Variants in ZC3H18 observed in about 807,000 individuals in gnomAD.
The protein encoded by ZC3H18 is zinc finger CCCH domain-containing protein 18.
ZC3H18 carries 8 observed loss-of-function variants against 106.1 expected under a neutral mutation model. That is an observed-to-expected ratio of 0.08 (90% CI 0.04 to 0.14). ZC3H18 has a LOEUF of 0.14. ZC3H18 is among the 10% of genes least tolerant of loss of function. The pLI, the probability that ZC3H18 is intolerant of heterozygous loss-of-function variation, is 1.00. For synonymous variants in ZC3H18, 635 were observed against 522.1 expected, an observed-to-expected ratio of 1.22 and a Z score of -2.95; for missense variants, 1,318 against 1,278.4, an observed-to-expected ratio of 1.03 and a Z score of -0.47.
intron 15 of ZC3H18, among the ~76,000 whole-genome samples, chr16:88,628,393 C>T (rs1409760097): frequency 6.6e-6 from 1 of 152,170 alleles, no homozygotes. Context: ...GCCATGCAGT[C>T]TCAACACAAT....
chr16:88,590,556 C>CTT (rs1915684721), intron 3 of ZC3H18, among the ~76,000 whole-genome samples: 3 of 43,266 alleles, frequency 6.9e-5, no homozygotes, highest in African/African-American at 2.3e-4. Flanking sequence ...CTTTGGGTTT[C>CTT]TTTATTTCTT....
chr16:88,624,484 A>G, intron 11 of ZC3H18, 118 bp from the exon 12 acceptor site: 1 of 1,482,698 alleles, frequency 6.7e-7, no homozygotes, highest in Non-Finnish European at 9.2e-7. Flanking sequence ...GAGCGTGCTC[A>G]CCGAGCGTCA....
intron 6 of ZC3H18, among the ~76,000 whole-genome samples, chr16:88,600,273 C>A (rs1001954533): frequency 6.6e-6 from 1 of 152,222 alleles, no homozygotes; most frequent in Non-Finnish European, 1.5e-5. Context: ...TGGCTCCTCA[C>A]CCCTGCCCAC....
intron 3 of ZC3H18, among the ~76,000 whole-genome samples, chr16:88,593,658 A>G (rs1223455035): frequency 6.6e-6 from 1 of 151,990 alleles, no homozygotes; most frequent in East Asian, 1.9e-4. Context: ...GCTGCGGCTG[A>G]CCCTGTGCGC....
chr16:88,624,205 G>T, intron 11 of ZC3H18, 143 bp downstream of exon 11: 1 of 1,155,600 alleles, frequency 8.7e-7, no homozygotes, highest in Non-Finnish European at 1.2e-6. Flanking sequence ...GGGTGACTGG[G>T]CTGGGAGGCA....
rs147796262 is a variant in ZC3H18 at position 88,590,467 on chromosome 16, G to A, written c.688+3783G>A. ...TCTTCATGGGATGTTTTTATCTCTC[G>A]TGGGCCTGTGTTGGATCATCAGGAC... On this transcript the variant is annotated intron_variant, in intron 3 of 17. Coordinates refer to ENST00000301011, the MANE Select transcript of ZC3H18 (RefSeq NM_144604.4). Among the ~76,000 whole-genome samples, 82 of 152,050 alleles carry A rather than the reference G, an allele frequency of 5.4e-4. 2 individuals are homozygous for A. The East Asian group carries it at 9.8e-3, about 18-fold the overall frequency.
At chr16:88,621,348 C>G (rs943827761) in intron 8 of ZC3H18, among the ~76,000 whole-genome samples, 5 of 152,174 alleles carry the variant, frequency 3.3e-5, no homozygotes, top group Non-Finnish European at 7.3e-5. Context: ...CCTCAGCCCC[C>G]CAAGTAGCTG....
chr16:88,582,219 CTTTTTTTTT>C (rs71391393), intron 2 of ZC3H18, among the ~76,000 whole-genome samples: 7 of 77,182 alleles, frequency 9.1e-5, no homozygotes, highest in South Asian at 1.1e-3. Context: ...TTTTTCTTTT[CTTTTTTTTT>C]TTTTTTTTTT....
intron 8 of ZC3H18, 138 bp downstream of exon 8, chr16:88,611,674 A>T: frequency 7.5e-7 from 1 of 1,335,724 alleles, no homozygotes. Flanking sequence ...CCACAGCCCG[A>T]GCCCATAGTT....
intron 8 of ZC3H18, among the ~76,000 whole-genome samples, chr16:88,619,565 C>T (rs147760661): frequency 2.0e-5 from 3 of 152,338 alleles, no homozygotes; most frequent in Non-Finnish European, 2.9e-5. Context: ...GTATCATTGT[C>T]TCCAGAGGGA....
intron 3 of ZC3H18, among the ~76,000 whole-genome samples, chr16:88,591,371 G>C (rs1285880129): frequency 1.3e-5 from 2 of 152,128 alleles, no homozygotes; most frequent in South Asian, 4.1e-4. Context: ...TTAGGAGTTC[G>C]AGACCAGACT....
chr16:88,630,455 G>A (rs779469888), intron 16 of ZC3H18, 30 bp from the exon 17 acceptor site: 1 of 1,590,520 alleles, frequency 6.3e-7, no homozygotes, highest in Non-Finnish European at 8.6e-7. Flanking sequence ...TACATCAGGA[G>A]GGTGGTCTCA....
At chr16:88,597,156 C>T (rs567238407) in intron 3 of ZC3H18, among the ~76,000 whole-genome samples, 2 of 152,292 alleles carry the variant, frequency 1.3e-5, no homozygotes, top group East Asian at 1.9e-4. Flanking sequence ...CTCTTGACGT[C>T]GTGAGCCACC....
chr16:88,628,895 G>T, intron 16 of ZC3H18, 41 bp downstream of exon 16: 1 of 1,607,314 alleles, frequency 6.2e-7, no homozygotes, highest in Non-Finnish European at 8.5e-7. Flanking sequence ...AGAGGGACGG[G>T]AGCCTGGGGA....
At position 88,577,359 on chromosome 16, in the gene ZC3H18, A is replaced by G; in HGVS notation, c.236A>G (p.Gln79Arg). Residue 79 changes from glutamine to arginine, a missense_variant, in exon 2 of 18, where the codon CAA (glutamine) becomes CGA (arginine). Coordinates refer to ENST00000301011, the MANE Select transcript of ZC3H18 (RefSeq NM_144604.4). The part of the protein sequence containing the change: ...EEDRASEPKS[Q>R]DQDSEVNELS... ...GACCGGGCAAGTGAGCCTAAATCCC[A>G]AGACCAGGACTCAGAGGTGAATGAG... The G allele has an allele frequency of 1.9e-6, 3 of 1,600,710 alleles. No individual in the cohort carries two copies. The highest frequency in any genetic ancestry group is 1.3e-5 in the African/African-American group (1 of 74,802).
At chr16:88,585,061 A>G (rs1448712271) in intron 2 of ZC3H18, among the ~76,000 whole-genome samples, 1 of 152,256 alleles carries the variant, frequency 6.6e-6, no homozygotes, top group Non-Finnish European at 1.5e-5. Flanking sequence ...GAATAGTAGT[A>G]AAAAGAAGAC....
intron 6 of ZC3H18, among the ~76,000 whole-genome samples, chr16:88,603,943 AAAT>A (rs753549010): frequency 1.3e-4 from 19 of 151,664 alleles, no homozygotes; most frequent in Admixed American, 2.0e-4. Context: ...CCATTTCTTA[AAAT>A]AATAATAATA....
At chr16:88,586,792 T>G in intron 3 of ZC3H18, 108 bp downstream of exon 3, 23 of 677,562 alleles carry the variant, frequency 3.4e-5, no homozygotes, top group East Asian at 1.1e-4. Flanking sequence ...GGCAGTTCTC[T>G]GGGCATTACT....
intron 2 of ZC3H18, among the ~76,000 whole-genome samples, chr16:88,583,164 T>G (rs891030704): frequency 5.9e-5 from 9 of 152,244 alleles, no homozygotes; most frequent in African/African-American, 2.2e-4. Context: ...TCTGCCTTTG[T>G]ACAGAAGCTC....
Sources: gnomAD v4.1 joint callset for allele counts (sites outside exome capture counted in the v4.1 genomes callset) on GRCh38, gnomAD v4.1.1 for gene constraint, MANE v1.5 for transcripts, NCBI Gene and HGNC (gene_info 2026-07-23, HGNC 2026-07-21) for gene names.